Variants in ACCSL observed in about 807,000 individuals in gnomAD.
ACCSL encodes the protein probable inactive 1-aminocyclopropane-1-carboxylate synthase-like protein 2.
In ACCSL, 55 loss-of-function variants were observed where a neutral mutation model predicts 61.7. That is an observed-to-expected ratio of 0.89 (90% confidence interval 0.72 to 1.12). ACCSL has a LOEUF of 1.12. Among genes scored for constraint, ACCSL ranks in the 50% most tolerant of loss-of-function variants. ACCSL has a pLI of 0.00. For synonymous variants in ACCSL, 258 were observed against 264.3 expected (o/e 0.98, Z 0.23); for missense variants, 632 against 698.0 (o/e 0.91, Z 1.07).
At chr11:44,001,420 C>T in the ACCSL span, among the ~76,000 whole-genome samples, 4 of 151,182 alleles carry the variant, frequency 2.6e-5, no homozygotes, top group Non-Finnish European at 4.4e-5. Flanking sequence ...ACAACAGCAA[C>T]AGGCATCCAA....
At chr11:43,995,049 T>C in the ACCSL span, 9 of 152,284 alleles carry the variant, frequency 5.9e-5, no homozygotes, top group African/African-American at 1.9e-4. Context: ...GAGAGACTTA[T>C]GCAAGGTGAG....
At chr11:43,929,140 G>A in the ACCSL span, among the ~76,000 whole-genome samples, 3 of 152,236 alleles carry the variant, frequency 2.0e-5, no homozygotes, top group African/African-American at 4.8e-5. Context: ...AAATGTATCC[G>A]TCTCAGTACC....
chr11:43,969,050 A>T, the ACCSL span, among the ~76,000 whole-genome samples: 618 of 152,224 alleles, frequency 4.1e-3, 4 homozygotes, highest in Non-Finnish European at 3.7e-3. Context: ...AGTAATTTTT[A>T]AAAATTTCTT....
At chr11:44,018,384 C>T in the ACCSL span, among the ~76,000 whole-genome samples, 3 of 151,992 alleles carry the variant, frequency 2.0e-5, no homozygotes, top group South Asian at 2.1e-4. Context: ...AGCCCCAACT[C>T]GCCCCAGCCC....
At chr11:44,003,477 G>A in the ACCSL span, among the ~76,000 whole-genome samples, 1 of 151,978 alleles carries the variant, frequency 6.6e-6, no homozygotes, top group Non-Finnish European at 1.5e-5. Flanking sequence ...ACATGGTGAA[G>A]CTCCAGCTCT....
At chr11:43,966,427 A>G in the ACCSL span, among the ~76,000 whole-genome samples, 1 of 93,948 alleles carries the variant, frequency 1.1e-5, no homozygotes, top group Non-Finnish European at 2.3e-5. Context: ...CTCTGTCTCA[A>G]AAAAAAAAAA....
At chr11:44,030,402 C>T in the ACCSL span, among the ~76,000 whole-genome samples, 1 of 151,620 alleles carries the variant, frequency 6.6e-6, no homozygotes, top group Admixed American at 6.6e-5. Context: ...TCCCCTCCAT[C>T]CCTCCCCGCC....
At chr11:43,944,472 A>T in the ACCSL span, 23 of 153,906 alleles carry the variant, frequency 1.5e-4, no homozygotes, top group Non-Finnish European at 2.7e-4. Flanking sequence ...CGCGGCCGCT[A>T]TGTCTCCAGC....
At chr11:43,968,879 G>A in the ACCSL span, among the ~76,000 whole-genome samples, 1 of 152,058 alleles carries the variant, frequency 6.6e-6, no homozygotes, top group African/African-American at 2.4e-5. Flanking sequence ...CCTGTGTCTC[G>A]CATCTCTATC....
At chr11:43,962,095 C>CCCCTCCCTCTCT in the ACCSL span, among the ~76,000 whole-genome samples, 3 of 152,218 alleles carry the variant, frequency 2.0e-5, no homozygotes, top group African/African-American at 2.4e-5. Context: ...AACATCTCTC[C>CCCCTCCCTCTCT]CCCTCCCTCT....
chr11:44,001,678 A>C, the ACCSL span, among the ~76,000 whole-genome samples: 1 of 151,254 alleles, frequency 6.6e-6, no homozygotes, highest in East Asian at 1.9e-4. Flanking sequence ...TATAAATCTA[A>C]ATGTGGGTGG....
chr11:44,053,511 G>T lies in ACCSL; in HGVS notation c.1049+5G>T. 2.5e-6 allele frequency: 4 copies of T among 1,607,730 alleles called. No individual in the cohort carries two copies. The Admixed American group carries it at 6.7e-5, about 27-fold the overall frequency. The stretch of plus-strand genomic sequence containing the variant: ...ATACCTGGAATTTGCCAAGAGGTAT[G>T]AGTTCTACCCCTTGAGACTAGGTAA... On this transcript the variant is annotated splice_donor_5th_base_variant and intron_variant, in intron 8 of 13. Coordinates refer to ENST00000378832, the MANE Select transcript of ACCSL (RefSeq NM_001031854.2).
At chr11:44,046,342 G>A (rs1952597039), upstream of ACCSL, among the ~76,000 whole-genome samples, 1 of 152,144 alleles carries the variant, frequency 6.6e-6, no homozygotes, top group East Asian at 1.9e-4. Flanking sequence ...TCTGTCTATT[G>A]CTCCATCTTC....
the ACCSL span, among the ~76,000 whole-genome samples, chr11:43,928,164 A>G: frequency 5.3e-5 from 8 of 151,978 alleles, no homozygotes; most frequent in Admixed American, 5.2e-4. Flanking sequence ...GCTGGAGGGG[A>G]GACGGTGGGG....
chr11:44,054,455 TTTTTG>T (rs1952658825), intron 8 of ACCSL, among the ~76,000 whole-genome samples: 1 of 144,598 alleles, frequency 6.9e-6, no homozygotes, highest in East Asian at 2.0e-4. Flanking sequence ...TTCTTTTTTT[TTTTTG>T]TTTTTTGTTT....
At chr11:44,058,218 C>G in intron 11 of ACCSL, 99 bp from the exon 12 acceptor site, 1 of 1,371,176 alleles carries the variant, frequency 7.3e-7, no homozygotes, top group Non-Finnish European at 1.0e-6. Flanking sequence ...AACAAACAAA[C>G]AAACTTGCAT....
At chr11:44,041,188 A>G in the ACCSL span, among the ~76,000 whole-genome samples, 2 of 152,244 alleles carry the variant, frequency 1.3e-5, no homozygotes, top group African/African-American at 4.8e-5. Flanking sequence ...ATAATCATTC[A>G]GGTCATATCT....
chr11:43,939,215 G>T, the ACCSL span, among the ~76,000 whole-genome samples: 2 of 152,126 alleles, frequency 1.3e-5, no homozygotes, highest in African/African-American at 2.4e-5. Context: ...ATGATCACAG[G>T]TGACATTTGC....
At chr11:44,050,160 A>C in intron 2 of ACCSL, 39 bp downstream of exon 2, 1 of 1,557,646 alleles carries the variant, frequency 6.4e-7, no homozygotes, top group Non-Finnish European at 8.9e-7. Flanking sequence ...CCACCCCTTC[A>C]AGGCTTAGTC....
Sources: allele counts gnomAD v4.1 joint callset (sites outside exome capture counted in the v4.1 genomes callset), GRCh38; gene constraint gnomAD v4.1.1; transcripts MANE v1.5; gene names NCBI Gene and HGNC (gene_info 2026-07-23, HGNC 2026-07-21).